The following TICAM2 variants were observed in gnomAD, a reference collection of about 807,000 sequenced individuals.
TICAM2 encodes the protein TIR domain containing adaptor molecule 2, also known as TIR domain-containing adapter molecule 2.
TICAM2 carries 8 observed loss-of-function variants against 7.3 expected under a neutral mutation model. The ratio of observed to expected loss-of-function variants is 1.10; its 90% CI spans 0.65 to 1.99. TICAM2 has a LOEUF of 1.99. Among genes scored for constraint, TICAM2 ranks in the 30% most tolerant of loss-of-function variants. The probability of loss-of-function intolerance (pLI) is 0.00; values close to 1 mark genes in which losing one functional copy is unlikely to be tolerated. For synonymous variants in TICAM2, 113 were observed against 99.6 expected (o/e 1.13, Z -0.80); for missense variants, 304 against 278.8 (o/e 1.09, Z -0.65).
At position 115,581,175 on chromosome 5, in the gene TICAM2, C is replaced by G; in HGVS notation, c.82G>C (p.Gly28Arg). The change falls in exon 2 of 2, where the codon GGA becomes CGA. Residue 28 changes from glycine to arginine, a missense_variant. By Grantham distance (125) the Gly-to-Arg change is moderately radical (BLOSUM62 -2). Transcript: ENST00000427199. ...TTCTTGGAATCTGACTCATGATATC[C>G]TGGACTTGTATCCACACTGTGCCTT... is the stretch of plus-strand genomic sequence containing the variant. ...GKRHSVDTSP[G>R]YHESDSKKSE... 1 of 1,613,714 alleles carries G rather than the reference C, an allele frequency of 6.2e-7. No homozygotes were observed. Among genetic ancestry groups the G allele is most frequent in the Non-Finnish European group, 8.5e-7 (1 of 1,179,980 alleles).
At chr5:115,591,110 T>C (rs928678476) in intron 1 of TICAM2, among the ~76,000 whole-genome samples, 7 of 151,774 alleles carry the variant, frequency 4.6e-5, no homozygotes, top group Non-Finnish European at 7.4e-5. Flanking sequence ...ACTAATGACA[T>C]AGTGAAGAAT....
In TICAM2 at chr5:115,581,153, T is replaced by G. The variant is rs746919981; in HGVS notation, c.104A>C (p.Lys35Thr). ...ACACAAGGATAGATCTTCAGACTTC[T>G]TGGAATCTGACTCATGATATCCTGG... ...TSPGYHESDSKKSEDLSLCNV... is the reference protein window; with the variant it reads ...TSPGYHESDSTKSEDLSLCNV... Residue 35 changes from lysine (K) to threonine (T), a missense_variant, in exon 2 of 2, where the codon AAG becomes ACG. Transcript: ENST00000427199. The G allele has an allele frequency of 6.2e-7, 1 of 1,613,914 alleles. No individual in the cohort carries two copies. Among genetic ancestry groups the G allele is most frequent in the South Asian group, 1.1e-5 (1 of 91,028 alleles).
chr5:115,585,211 T>G (rs925542888), intron 1 of TICAM2, among the ~76,000 whole-genome samples: 1 of 152,366 alleles, frequency 6.6e-6, no homozygotes, highest in African/African-American at 2.4e-5. Context: ...GCTGGGCACA[T>G]AGTAAGTACT....
intron 1 of TICAM2, among the ~76,000 whole-genome samples, chr5:115,601,383 C>T (rs1476366464): frequency 1.3e-5 from 2 of 151,746 alleles, no homozygotes; most frequent in African/African-American, 4.8e-5. Flanking sequence ...TACCATCAGG[C>T]TTGTTTGAAA....
At chr5:115,596,962 T>C (rs1346101461) in intron 1 of TICAM2, among the ~76,000 whole-genome samples, 1 of 152,122 alleles carries the variant, frequency 6.6e-6, no homozygotes, top group Non-Finnish European at 1.5e-5. Context: ...CTTGCACAAA[T>C]GCCATCACAG....
At position 115,580,396 on chromosome 5, in the gene TICAM2, G is replaced by T; in HGVS notation, c.*153C>A. 9.7e-7 allele frequency: 1 copy of T among 1,025,982 alleles called. No individual in the cohort carries two copies. Among genetic ancestry groups the T allele is most frequent in the Non-Finnish European group, 1.3e-6 (1 of 766,390 alleles). The allele number at this position is 1,025,982 out of a possible 1,614,324, so 63.6% of individuals were successfully genotyped here. On this transcript the variant is annotated 3_prime_UTR_variant, in exon 2 of 2. Coordinates refer to ENST00000427199, the MANE Select transcript of TICAM2 (RefSeq NM_021649.7). ...AAAAAGTACCACAATTTTATAGGCTGTCCTGCAGAAATTTATCTTTCTTGT... is the reference window on the plus strand; with the variant it reads ...AAAAAGTACCACAATTTTATAGGCTTTCCTGCAGAAATTTATCTTTCTTGT...
chr5:115,580,638 C>T lies in TICAM2; in HGVS notation c.619G>A (p.Glu207Lys). ...TACACAGACTCCTGAAAAATTCTTT[C>T]TACTTGTGTAGGAAATCCACGACTT... ...EESRGFPTQV[E>K]RIFQESVYKT... Residue 207 changes from glutamate to lysine, a missense_variant, in exon 2 of 2, where the codon GAA becomes AAA. By Grantham distance (56) the Glu-to-Lys change is moderately conservative. Coordinates refer to ENST00000427199, the MANE Select transcript of TICAM2 (RefSeq NM_021649.7). 1 of 1,584,388 alleles carries T rather than the reference C, an allele frequency of 6.3e-7. No homozygotes were observed. The highest frequency in any genetic ancestry group is 8.5e-7 in the Non-Finnish European group (1 of 1,170,204).
At chr5:115,594,834 C>T (rs1755447035) in intron 1 of TICAM2, among the ~76,000 whole-genome samples, 1 of 152,166 alleles carries the variant, frequency 6.6e-6, no homozygotes, top group Non-Finnish European at 1.5e-5. Flanking sequence ...GGAGGACTGA[C>T]TTACAATTGG....
Position 115,581,095 on chromosome 5 carries a change from C to T in TICAM2, c.162G>A (p.Gly54=), listed in dbSNP as rs1411351054. 4 of 1,614,026 alleles carry T rather than the reference C, an allele frequency of 2.5e-6. No homozygotes were observed. Among genetic ancestry groups the T allele is most frequent in the Non-Finnish European group, 3.4e-6 (4 of 1,180,050 alleles). ...NVAEHSNTTE[G]PTGKQEGAQS... ...GAGCTCCCTCCTGCTTTCCTGTTGGCCCCTCTGTTGTATTGCTGTGCTCAG... is the reference window on the plus strand; with the variant it reads ...GAGCTCCCTCCTGCTTTCCTGTTGGTCCCTCTGTTGTATTGCTGTGCTCAG... The change falls in exon 2 of 2, where the codon GGG becomes GGA. Residue 54 remains glycine (G), a synonymous_variant. Coordinates refer to ENST00000427199, the MANE Select transcript of TICAM2 (RefSeq NM_021649.7).
chr5:115,595,757 G>A (rs955858393), intron 1 of TICAM2, among the ~76,000 whole-genome samples: 4 of 151,910 alleles, frequency 2.6e-5, no homozygotes, highest in Non-Finnish European at 4.4e-5. Flanking sequence ...ACCTATTTAC[G>A]GTTTTCCCAA....
At chr5:115,588,186 C>T (rs565871475) in intron 1 of TICAM2, among the ~76,000 whole-genome samples, 4 of 152,260 alleles carry the variant, frequency 2.6e-5, no homozygotes, top group South Asian at 2.1e-4. Flanking sequence ...GGAATGCTTA[C>T]GAACTGAAGG....
intron 1 of TICAM2, 116 bp downstream of exon 1, chr5:115,601,981 G>C (rs1028770391): frequency 6.6e-6 from 1 of 152,198 alleles, no homozygotes; most frequent in East Asian, 1.9e-4. Flanking sequence ...GGTCGGGTAG[G>C]CTGGGGAGGT....
rs201497714 is a variant in TICAM2 at position 115,580,583 on chromosome 5, G to A, written c.674C>T (p.Thr225Ile). Residue 225 changes from threonine to isoleucine, a missense_variant, in exon 2 of 2, where the codon ACA becomes ATA. Transcript: ENST00000427199. ...AAATTGTCTTTGTACCATATTTCTT[G>A]TCTCTTTCCATATAGTTTGTTGTGT... ...YKTQQTIWKETRNMVQRQFIA is the reference protein window; with the variant it reads ...YKTQQTIWKEIRNMVQRQFIA 2.5e-6 allele frequency: 4 copies of A among 1,599,520 alleles called. No homozygotes were observed. The highest frequency in any genetic ancestry group is 2.2e-5 in the East Asian group (1 of 44,484).
At chr5:115,583,518 C>T (rs1172119996) in intron 1 of TICAM2, among the ~76,000 whole-genome samples, 1 of 152,190 alleles carries the variant, frequency 6.6e-6, no homozygotes, top group South Asian at 2.1e-4. Context: ...GTGTCACCCA[C>T]CTAATCAGAC....
At position 115,580,124 on chromosome 5, in the gene TICAM2, T is replaced by C. The variant is rs1484030457; in HGVS notation, c.*425A>G. The C allele has an allele frequency of 1.3e-5, 2 of 157,448 alleles. No homozygotes were observed. The highest frequency in any genetic ancestry group is 2.8e-5 in the Non-Finnish European group (2 of 71,650). 9.8% of individuals were successfully genotyped at this position (157,448 alleles called of 1,614,324 possible). Reference sequence around the variant, plus strand: ...ACCCGAATGCTTATTGCAACATCCATGAGAGGTGCCTCAGGAGGAAGTGTG... The same window carrying C: ...ACCCGAATGCTTATTGCAACATCCACGAGAGGTGCCTCAGGAGGAAGTGTG... On this transcript the variant is annotated 3_prime_UTR_variant, in exon 2 of 2. Coordinates refer to ENST00000427199, the MANE Select transcript of TICAM2 (RefSeq NM_021649.7).
At chr5:115,595,709 T>A (rs1022709536) in intron 1 of TICAM2, among the ~76,000 whole-genome samples, 2 of 152,214 alleles carry the variant, frequency 1.3e-5, no homozygotes, top group African/African-American at 4.8e-5. Flanking sequence ...TCCATAAAAT[T>A]TGCTCCTACC....
chr5:115,585,270 C>G (rs1345422815), intron 1 of TICAM2, among the ~76,000 whole-genome samples: 1 of 152,252 alleles, frequency 6.6e-6, no homozygotes, highest in Admixed American at 6.5e-5. Flanking sequence ...AACAAAGAAG[C>G]TAAAACATTT....
intron 1 of TICAM2, among the ~76,000 whole-genome samples, chr5:115,586,080 C>G (rs1014962247): frequency 6.6e-6 from 1 of 151,976 alleles, no homozygotes; most frequent in Non-Finnish European, 1.5e-5. Context: ...GCATATTTGG[C>G]CTTTATCTTT....
intron 1 of TICAM2, among the ~76,000 whole-genome samples, chr5:115,591,857 CA>C (rs1173810397): frequency 6.6e-6 from 1 of 152,076 alleles, no homozygotes; most frequent in African/African-American, 2.4e-5. Flanking sequence ...AGAATTAAAG[CA>C]AAGCAGTAAT....
Sources: gnomAD v4.1 joint callset for allele counts (sites outside exome capture counted in the v4.1 genomes callset) on GRCh38, gnomAD v4.1.1 for gene constraint, MANE v1.5 for transcripts, NCBI Gene and HGNC (gene_info 2026-07-23, HGNC 2026-07-21) for gene names.